USP34: variants seen among roughly 807,000 people sequenced by gnomAD.
USP34 encodes the protein ubiquitin carboxyl-terminal hydrolase 34.
Under a neutral mutation model 460.3 loss-of-function variants are expected in USP34, and 70 were observed. The observed-to-expected ratio is 0.15, with a 90% CI of 0.13 to 0.19. The LOEUF is 0.19. Ranked by LOEUF, USP34 falls within the 10% of genes least tolerant of loss-of-function variation. The pLI, the probability that USP34 is intolerant of heterozygous loss-of-function variation, is 1.00. For missense variants in USP34, 3,985 were observed against 4,236.2 expected (o/e 0.94, Z 1.65); for synonymous variants, 1,647 against 1,405.3 (o/e 1.17, Z -3.85).
rs762631367 is a variant in USP34 at position 61,227,138 on chromosome 2, T to C, written c.7524A>G (p.Lys2508=). Reference sequence around the variant, plus strand: ...TCTTTTCAAGGGCAGCTGGCCTGTATTTTTCTTCTGCCAGAGAGAGGATAT... The same window carrying C: ...TCTTTTCAAGGGCAGCTGGCCTGTACTTTTCTTCTGCCAGAGAGAGGATAT... ...EEDILSLAEE[K]YRPAALEKMI... Residue 2508 remains lysine (K), a synonymous_variant, in exon 62 of 80, where the codon AAA becomes AAG. Transcript: ENST00000398571. The C allele has an allele frequency of 6.8e-6, 11 of 1,614,072 alleles. No individual in the cohort carries two copies. The highest frequency in any genetic ancestry group is 1.7e-5 in the Admixed American group (1 of 59,998).
chr2:61,305,979 T>C (rs1292019468), intron 27 of USP34, among the ~76,000 whole-genome samples: 1 of 152,228 alleles, frequency 6.6e-6, no homozygotes, highest in Non-Finnish European at 1.5e-5. Context: ...TTCTGGATAT[T>C]AGCCCTTTGT....
chr2:61,469,720 T>C (rs1168817386), intron 1 of USP34, among the ~76,000 whole-genome samples: 1 of 152,226 alleles, frequency 6.6e-6, no homozygotes, highest in Non-Finnish European at 1.5e-5. Flanking sequence ...TGTTCATAAG[T>C]GAGCATTTTT....
At position 61,245,269 on chromosome 2, in the gene USP34, C is replaced by G; in HGVS notation, c.6568G>C (p.Glu2190Gln). Residue 2190 changes from glutamate to glutamine, a missense_variant, in exon 51 of 80, where the codon GAG becomes CAG. Around this residue, in one of 14 missense-constraint regions of USP34, gnomAD observed 11 missense variants for 37.7 expected, o/e 0.29. Transcript: ENST00000398571. ...NNKWYLFNDA[E>Q]VKPFDSAQLA... The stretch of plus-strand genomic sequence containing the variant: ...TGAGCAGAATCAAAAGGTTTTACCT[C>G]AGCATCATTAAAAAGATACCTAAAA... 2 of 1,606,676 alleles carry G rather than the reference C, an allele frequency of 1.2e-6. No individual in the cohort carries two copies. Among genetic ancestry groups the G allele is most frequent in the Non-Finnish European group, 8.5e-7 (1 of 1,176,270 alleles).
At chr2:61,378,913 G>GAACAAAA (rs1692879424) in intron 7 of USP34, among the ~76,000 whole-genome samples, 1 of 57,872 alleles carries the variant, frequency 1.7e-5, no homozygotes, top group African/African-American at 7.3e-5. Flanking sequence ...TCAAAAAAAC[G>GAACAAAA]AAAAAAAAAA....
rs548013154 is a variant in USP34, at chr2:61,213,250, A to C, written c.8682+810T>G. 6.2e-4 allele frequency among the ~76,000 whole-genome samples: 95 copies of C among 152,222 alleles called. 1 individual carries two copies. Among genetic ancestry groups the C allele is most frequent in the African/African-American group, 2.0e-3 (84 of 41,552 alleles). ...GGCTGGTCTTGAACTGCTGGGCTCG[A>C]GTGATCCGCCTCTGCCTCCAAAGTG... is the stretch of plus-strand genomic sequence containing the variant. On this transcript the variant is annotated intron_variant, in intron 68 of 79. Coordinates refer to ENST00000398571, the MANE Select transcript of USP34 (RefSeq NM_014709.4).
chr2:61,374,085 G>A (rs1692715712), intron 8 of USP34, among the ~76,000 whole-genome samples: 2 of 149,928 alleles, frequency 1.3e-5, no homozygotes, highest in Admixed American at 6.7e-5. Flanking sequence ...GAAGCCAGGA[G>A]ACAGAGGTTG....
chr2:61,298,630 G>C (rs62149673), intron 29 of USP34, among the ~76,000 whole-genome samples: 11,569 of 140,030 alleles, frequency 0.083, 630 homozygotes, highest in South Asian at 0.12. Flanking sequence ...TCAGACTAAC[G>C]TAACAGCCTA....
At chr2:61,386,575 G>A (rs1215571361) in intron 5 of USP34, among the ~76,000 whole-genome samples, 1 of 151,974 alleles carries the variant, frequency 6.6e-6, no homozygotes, top group Non-Finnish European at 1.5e-5. Context: ...TGGATCACAA[G>A]CTCAGGAGAT....
intron 70 of USP34, 31 bp downstream of exon 70, chr2:61,208,868 T>C: frequency 6.8e-7 from 1 of 1,463,104 alleles, no homozygotes. Context: ...AATGAGATAA[T>C]ATCCACAGTA....
At chr2:61,353,864 G>T (rs375852480) in intron 10 of USP34, among the ~76,000 whole-genome samples, 3 of 152,264 alleles carry the variant, frequency 2.0e-5, no homozygotes, top group East Asian at 3.9e-4. Flanking sequence ...TTATGGAAAT[G>T]AAAGGTACAA....
chr2:61,350,417 T>A (rs1196123671), intron 11 of USP34, 28 bp from the exon 12 acceptor site: 3 of 1,594,738 alleles, frequency 1.9e-6, no homozygotes, highest in Non-Finnish European at 2.6e-6. Flanking sequence ...AGATTTCAGT[T>A]TGAGAATTCC....
intron 5 of USP34, among the ~76,000 whole-genome samples, chr2:61,392,370 T>C (rs1209021105): frequency 6.6e-6 from 1 of 152,118 alleles, no homozygotes; most frequent in Non-Finnish European, 1.5e-5. Context: ...AAGCCTGTAA[T>C]CCCAGCACTT....
At chr2:61,283,097 T>C (rs1281530560) in intron 37 of USP34, 48 bp downstream of exon 37, 2 of 1,588,496 alleles carry the variant, frequency 1.3e-6, no homozygotes, top group East Asian at 2.3e-5. Context: ...GCTAATAACA[T>C]GAAAACATAC....
At chr2:61,367,924 A>G (rs902355360) in intron 10 of USP34, among the ~76,000 whole-genome samples, 4 of 152,244 alleles carry the variant, frequency 2.6e-5, no homozygotes, top group South Asian at 2.1e-4. Context: ...CAGAAAAGTT[A>G]TAACAATAAT....
chr2:61,221,237 A>G (rs1182497998), intron 66 of USP34, among the ~76,000 whole-genome samples: 1 of 152,086 alleles, frequency 6.6e-6, no homozygotes, highest in Non-Finnish European at 1.5e-5. Flanking sequence ...CTTGGTTTGT[A>G]TTTCTAGGAC....
At chr2:61,391,588 A>G (rs1693348281) in intron 5 of USP34, among the ~76,000 whole-genome samples, 1 of 152,192 alleles carries the variant, frequency 6.6e-6, no homozygotes. Flanking sequence ...CATTCCTGTG[A>G]AATTCAGAGA....
chr2:61,330,284 G>A (rs767290473), intron 20 of USP34, among the ~76,000 whole-genome samples: 2 of 152,098 alleles, frequency 1.3e-5, no homozygotes, highest in Non-Finnish European at 2.9e-5. Flanking sequence ...TGACACAATG[G>A]TAAATATCAA....
intron 75 of USP34, among the ~76,000 whole-genome samples, chr2:61,198,810 A>C (rs1453841475): frequency 6.6e-6 from 1 of 152,186 alleles, no homozygotes; most frequent in Non-Finnish European, 1.5e-5. Context: ...TGGAGGATGC[A>C]GTGAGCCAAG....
intron 67 of USP34, among the ~76,000 whole-genome samples, chr2:61,219,497 C>A (rs1028969373): frequency 1.3e-5 from 2 of 151,958 alleles, no homozygotes; most frequent in African/African-American, 4.8e-5. Context: ...ACGGTAAAAC[C>A]CTGTCTCTAC....
Sources: gnomAD v4.1 joint callset for allele counts (sites outside exome capture counted in the v4.1 genomes callset) on GRCh38, gnomAD v4.1.1 for gene constraint, gnomAD v4.1.1 regional missense constraint, MANE v1.5 for transcripts, NCBI Gene and HGNC (gene_info 2026-07-23, HGNC 2026-07-21) for gene names.